The following KCNH7 variants were observed in gnomAD, a reference collection of about 807,000 sequenced individuals.
KCNH7 encodes the protein voltage-gated inwardly rectifying potassium channel KCNH7.
A neutral mutation model predicts 120.8 loss-of-function variants in KCNH7; 49 were observed. The observed-to-expected ratio is 0.41, with a 90% CI of 0.32 to 0.51. The LOEUF is 0.51. Ranked by LOEUF, KCNH7 falls within the 20% of genes least tolerant of loss-of-function variation. The probability of loss-of-function intolerance (pLI) is 0.38; values close to 1 mark genes in which losing one functional copy is unlikely to be tolerated. For synonymous variants in KCNH7, 547 were observed against 516.1 expected, an observed-to-expected ratio of 1.06 and a Z score of -0.81; for missense variants, 1,097 against 1,446.6, an observed-to-expected ratio of 0.76 and a Z score of 3.92.
At chr2:162,440,496 A>G (rs2105536652) in intron 7 of KCNH7, among the ~76,000 whole-genome samples, 1 of 152,172 alleles carries the variant, frequency 6.6e-6, no homozygotes, top group African/African-American at 2.4e-5. Context: ...TTTATCCAAT[A>G]AAGCTCAACA....
chr2:162,510,053 G>A (rs1691017153), intron 5 of KCNH7, among the ~76,000 whole-genome samples: 1 of 151,530 alleles, frequency 6.6e-6, no homozygotes. Context: ...TATGAGTGAT[G>A]GAGGTAGGAT....
chr2:162,387,670 G>A (rs1231481494), intron 12 of KCNH7, among the ~76,000 whole-genome samples: 1 of 151,442 alleles, frequency 6.6e-6, no homozygotes, highest in African/African-American at 2.4e-5. Context: ...GTTTCTTTAG[G>A]TGGACAGTTC....
intron 2 of KCNH7, among the ~76,000 whole-genome samples, chr2:162,676,799 C>G (rs1476698343): frequency 6.6e-6 from 1 of 151,436 alleles, no homozygotes; most frequent in Non-Finnish European, 1.5e-5. Context: ...TTTCTCTATT[C>G]TGTACTACCA....
rs80052102 is a variant in KCNH7 at position 162,480,618 on chromosome 2, C to T, written c.1128+23825G>A. On this transcript the variant is annotated intron_variant, in intron 6 of 15. Transcript: ENST00000332142. Reference sequence around the variant, plus strand: ...AGCTTTTTACATGAGATACTCTCATCAAATTGGTGGCATTCAGAAAACATG... The same window carrying T: ...AGCTTTTTACATGAGATACTCTCATTAAATTGGTGGCATTCAGAAAACATG... 1.7e-4 allele frequency among the ~76,000 whole-genome samples: 26 copies of T among 152,256 alleles called. No homozygotes were observed. In the East Asian group the frequency reaches 2.7e-3, roughly 16 times the overall value.
intron 2 of KCNH7, among the ~76,000 whole-genome samples, chr2:162,681,486 T>C (rs1288885663): frequency 6.6e-6 from 1 of 151,772 alleles, no homozygotes. Flanking sequence ...CTGTTCTCTA[T>C]GTATATTTCA....
intron 2 of KCNH7, among the ~76,000 whole-genome samples, chr2:162,826,603 C>T (rs371222387): frequency 1.8e-4 from 28 of 152,246 alleles, no homozygotes; most frequent in East Asian, 7.7e-4. Context: ...TCACCATTCT[C>T]ATAGCAGCAA....
At chr2:162,376,643 T>G (rs1558914728) in intron 14 of KCNH7, among the ~76,000 whole-genome samples, 1 of 152,116 alleles carries the variant, frequency 6.6e-6, no homozygotes, top group Non-Finnish European at 1.5e-5. Flanking sequence ...ATTACAGGTG[T>G]GAGCCACCGC....
chr2:162,395,771 G>A (rs1164347144), intron 11 of KCNH7, among the ~76,000 whole-genome samples: 3 of 151,494 alleles, frequency 2.0e-5, no homozygotes, highest in Non-Finnish European at 3.0e-5. Flanking sequence ...TGGCATCTAG[G>A]GGCCCTTAAA....
chr2:162,602,572 T>C (rs957860797), intron 2 of KCNH7, among the ~76,000 whole-genome samples: 3 of 152,100 alleles, frequency 2.0e-5, no homozygotes, highest in African/African-American at 7.2e-5. Flanking sequence ...CTGTTTCCTC[T>C]GCCTAGACCT....
chr2:162,824,995 A>G (rs16847399), intron 2 of KCNH7, among the ~76,000 whole-genome samples: 70,189 of 151,868 alleles, frequency 0.46, 18,627 homozygotes, highest in South Asian at 0.67. Context: ...ATTGAAATAT[A>G]TAAGAAATAC....
At position 162,621,252 on chromosome 2, in the gene KCNH7, CT is replaced by C. The variant is rs35494887; in HGVS notation, c.308-84173del. Among the ~76,000 whole-genome samples, 466 of 52,078 alleles carry C rather than the reference CT, an allele frequency of 8.9e-3. 4 individuals are homozygous for C. Among genetic ancestry groups the C allele is most frequent in the African/African-American group, 0.022 (266 of 12,334 alleles). The allele number at this position is 52,078 out of a possible 152,430, so 34.2% of individuals were successfully genotyped here. A position where few individuals can be genotyped will look rare whatever the true frequency, so the allele number is the denominator to read the frequency against. The stretch of plus-strand genomic sequence containing the variant: ...TGCTTCACAATCTGGGTATCATCAT[CT>C]TTTTTTTTTTTTTTTTTTTTTTTTA... On this transcript the variant is annotated intron_variant, in intron 2 of 15. Coordinates refer to ENST00000332142, the MANE Select transcript of KCNH7 (RefSeq NM_033272.4).
Position 162,587,235 on chromosome 2 carries a change from A to G in KCNH7, c.308-50155T>C, listed in dbSNP as rs1012950897. Among the ~76,000 whole-genome samples, 4 of 152,164 alleles carry G rather than the reference A, an allele frequency of 2.6e-5. No individual in the cohort carries two copies. The South Asian group carries it at 6.2e-4, about 24-fold the overall frequency. On this transcript the variant is annotated intron_variant, in intron 2 of 15. Transcript: ENST00000332142. ...AGATTTCATCAAACACATTGACTAC[A>G]TCTTTTATTTGGGTAGGTATTATAA...
chr2:162,387,773 T>C (rs555473374), intron 12 of KCNH7, among the ~76,000 whole-genome samples: 101 of 151,882 alleles, frequency 6.6e-4, no homozygotes, highest in African/African-American at 2.3e-3. Flanking sequence ...TTCAAGAGCA[T>C]AGAATAAGTG....
In KCNH7 at chr2:162,480,018, C is replaced by A. The variant is rs184961901; in HGVS notation, c.1128+24425G>T. Among the ~76,000 whole-genome samples, 197 of 152,176 alleles carry A rather than the reference C, an allele frequency of 1.3e-3. 1 individual carries two copies. The highest frequency in any genetic ancestry group is 4.4e-3 in the African/African-American group (184 of 41,522). On this transcript the variant is annotated intron_variant, in intron 6 of 15. Coordinates refer to ENST00000332142, the MANE Select transcript of KCNH7 (RefSeq NM_033272.4). ...AGCATGATTTTGTCAAGAAGAACAT[C>A]ATTTCTTAAGAGTTTAATGAAGCTA...
chr2:162,657,129 A>T lies in KCNH7; in HGVS notation c.308-120049T>A, dbSNP rs557652063. ...CCTGCACCAGATTGGTACATTTGTTATAATGGATGAACCTACATTGATGTA... is the reference window on the plus strand; with the variant it reads ...CCTGCACCAGATTGGTACATTTGTTTTAATGGATGAACCTACATTGATGTA... On this transcript the variant is annotated intron_variant, in intron 2 of 15. Coordinates refer to ENST00000332142, the MANE Select transcript of KCNH7 (RefSeq NM_033272.4). 9.2e-5 allele frequency among the ~76,000 whole-genome samples: 14 copies of T among 152,354 alleles called. No individual in the cohort carries two copies. The East Asian group carries it at 2.7e-3, about 29-fold the overall frequency.
intron 2 of KCNH7, among the ~76,000 whole-genome samples, chr2:162,672,406 TA>T (rs1685390832): frequency 6.6e-6 from 1 of 152,032 alleles, no homozygotes; most frequent in African/African-American, 2.4e-5. Flanking sequence ...CTTGTAAATG[TA>T]ACTCATGGCT....
At chr2:162,418,398 A>G (rs1687601124) in intron 9 of KCNH7, among the ~76,000 whole-genome samples, 1 of 152,180 alleles carries the variant, frequency 6.6e-6, no homozygotes, top group African/African-American at 2.4e-5. Flanking sequence ...TAGATAAAAA[A>G]TCATTAGAAA....
At chr2:162,579,817 T>C (rs1322337751) in intron 2 of KCNH7, among the ~76,000 whole-genome samples, 1 of 152,060 alleles carries the variant, frequency 6.6e-6, no homozygotes, top group Admixed American at 6.6e-5. Context: ...AAAACACTTT[T>C]TTTTTTCTCA....
chr2:162,637,754 A>G (rs987111077), intron 2 of KCNH7, among the ~76,000 whole-genome samples: 3 of 151,998 alleles, frequency 2.0e-5, no homozygotes, highest in Non-Finnish European at 4.4e-5. Context: ...TGATGTGCTG[A>G]TCTCTATCTG....
Sources: gnomAD v4.1 joint callset for allele counts (sites outside exome capture counted in the v4.1 genomes callset) on GRCh38, gnomAD v4.1.1 for gene constraint, MANE v1.5 for transcripts, NCBI Gene and HGNC (gene_info 2026-07-23, HGNC 2026-07-21) for gene names.